GABRA3: variants seen among roughly 807,000 people sequenced by gnomAD.
The protein encoded by GABRA3 is gamma-aminobutyric acid type A receptor subunit alpha3, also known as gamma-aminobutyric acid receptor subunit alpha-3.
In GABRA3, 10 loss-of-function variants were observed where a neutral mutation model predicts 30.1. That is an observed-to-expected ratio of 0.33 (90% CI 0.20 to 0.56). The LOEUF (loss-of-function observed/expected upper bound fraction) is 0.56. Ranked by LOEUF, GABRA3 falls within the 20% of genes least tolerant of loss-of-function variation. GABRA3 has a pLI of 0.89. For synonymous variants in GABRA3, 151 were observed against 146.8 expected (o/e 1.03, Z -0.21); for missense variants, 233 against 392.0 (o/e 0.59, Z 3.42).
intron 7 of GABRA3, among the ~76,000 whole-genome samples, chrX:152,200,677 C>T (rs998261274): frequency 1.8e-5 from 2 of 111,103 alleles, no homozygotes; most frequent in Admixed American, 9.6e-5. Context: ...CTCACATTTC[C>T]AAACGCTACC....
chrX:152,290,192 A>C (rs1447429550), intron 3 of GABRA3, among the ~76,000 whole-genome samples: 3 of 111,374 alleles, frequency 2.7e-5, no homozygotes, highest in African/African-American at 9.8e-5. Context: ...TTTCCTTTTT[A>C]ATGATCGCCA....
At chrX:152,282,034 TA>T (rs1384457011) in intron 4 of GABRA3, among the ~76,000 whole-genome samples, 1 of 112,137 alleles carries the variant, frequency 8.9e-6, no homozygotes, top group Admixed American at 9.5e-5. Flanking sequence ...ACATGGCTTA[TA>T]CCTTCATGGA....
At chrX:152,241,026 C>A (rs776027779) in intron 5 of GABRA3, among the ~76,000 whole-genome samples, 3 of 109,014 alleles carry the variant, frequency 2.8e-5, no homozygotes, top group Non-Finnish European at 3.8e-5. Flanking sequence ...AGCTTTGTTC[C>A]GTTGCTGGTG....
chrX:152,328,896 G>A (rs1018751722), intron 3 of GABRA3, among the ~76,000 whole-genome samples: 6 of 111,700 alleles, frequency 5.4e-5, no homozygotes, highest in African/African-American at 1.6e-4. Flanking sequence ...ATTAGGAAAC[G>A]AGGAAGTCAA....
intron 1 of GABRA3, among the ~76,000 whole-genome samples, chrX:152,366,094 A>G (rs755418424): frequency 3.6e-5 from 4 of 111,744 alleles, no homozygotes; most frequent in Non-Finnish European, 7.5e-5. Flanking sequence ...ACCATAGTAT[A>G]TGAGTAAGAA....
At chrX:152,192,172 T>G (rs981523440) in intron 8 of GABRA3, among the ~76,000 whole-genome samples, 1 of 112,024 alleles carries the variant, frequency 8.9e-6, no homozygotes, top group Non-Finnish European at 1.9e-5. Flanking sequence ...CTGTCAACTT[T>G]TTGAAAGCTC....
intron 9 of GABRA3, among the ~76,000 whole-genome samples, chrX:152,186,470 G>A (rs188630197): frequency 6.6e-4 from 73 of 110,963 alleles, no homozygotes; most frequent in Non-Finnish European, 1.2e-3. Flanking sequence ...CCAAACTGTC[G>A]GGATTACAGG....
intron 1 of GABRA3, among the ~76,000 whole-genome samples, chrX:152,444,040 G>A (rs766202021): frequency 9.0e-6 from 1 of 110,724 alleles, no homozygotes; most frequent in South Asian, 3.9e-4. Context: ...TCTGGACTAG[G>A]GATTTAGAGG....
At chrX:152,202,362 G>C (rs1326362128) in intron 7 of GABRA3, among the ~76,000 whole-genome samples, 1 of 111,585 alleles carries the variant, frequency 9.0e-6, no homozygotes, top group East Asian at 2.8e-4. Flanking sequence ...TGTTTATATG[G>C]TTCCTAAATC....
intron 8 of GABRA3, among the ~76,000 whole-genome samples, chrX:152,190,522 T>C (rs183559526): frequency 9.7e-4 from 106 of 109,249 alleles, no homozygotes; most frequent in African/African-American, 3.2e-3. Flanking sequence ...TTCTTTTTTC[T>C]TTTTTTTTCT....
intron 3 of GABRA3, among the ~76,000 whole-genome samples, chrX:152,338,494 T>G (rs1470139069): frequency 8.9e-6 from 1 of 112,042 alleles, no homozygotes; most frequent in East Asian, 2.8e-4. Flanking sequence ...CTCTTCACTT[T>G]ATTGGTTGTT....
intron 1 of GABRA3, among the ~76,000 whole-genome samples, chrX:152,394,052 A>T: frequency 9.0e-6 from 1 of 111,654 alleles, no homozygotes; most frequent in Non-Finnish European, 1.9e-5. Context: ...CATCATCATC[A>T]TCATTGTTAT....
At chrX:152,284,891 G>C (rs1450210741) in intron 3 of GABRA3, among the ~76,000 whole-genome samples, 156 bp from the exon 4 acceptor site, 1 of 111,676 alleles carries the variant, frequency 9.0e-6, no homozygotes, top group Non-Finnish European at 1.9e-5. Context: ...TCTTCACAGG[G>C]AACATGCTAG....
intron 1 of GABRA3, among the ~76,000 whole-genome samples, chrX:152,417,887 AG>A (rs1258019320): frequency 1.8e-5 from 1 of 56,848 alleles, no homozygotes; most frequent in African/African-American, 7.3e-5. Context: ...GGGTGGGGGG[AG>A]GGGGGAGGGA....
rs765459483 is a variant in GABRA3, at chrX:152,447,656, AG to A, written c.-27+3489del. 1.4e-4 allele frequency among the ~76,000 whole-genome samples: 16 copies of A among 112,638 alleles called. No homozygotes were observed. The East Asian group carries it at 4.2e-3, about 29-fold the overall frequency. Reference sequence around the variant, plus strand: ...GAAAGCGTAATTTGTAGAAACTCTAAGGAAATTAAGAGTTTTAAGAAAAAAC... The same window carrying A: ...GAAAGCGTAATTTGTAGAAACTCTAAGAAATTAAGAGTTTTAAGAAAAAAC... On this transcript the variant is annotated intron_variant, in intron 1 of 9. Coordinates refer to ENST00000370314, the MANE Select transcript of GABRA3 (RefSeq NM_000808.4).
At chrX:152,171,797 C>G (rs1937006060) in intron 9 of GABRA3, among the ~76,000 whole-genome samples, 1 of 112,112 alleles carries the variant, frequency 8.9e-6, no homozygotes, top group East Asian at 2.8e-4. Flanking sequence ...CTCCAAATTT[C>G]CCAAGGAGTT....
chrX:152,211,644 C>T (rs1007170265), intron 6 of GABRA3, among the ~76,000 whole-genome samples: 1 of 111,700 alleles, frequency 9.0e-6, no homozygotes, highest in African/African-American at 3.3e-5. Context: ...ACAGTAGCCA[C>T]CATCACATCA....
intron 4 of GABRA3, among the ~76,000 whole-genome samples, chrX:152,282,328 A>G (rs1356112901): frequency 2.7e-5 from 3 of 111,367 alleles, no homozygotes; most frequent in African/African-American, 9.8e-5. Flanking sequence ...TCTTGGTGAA[A>G]CTAGTTGCCA....
chrX:152,275,320 TATA>T (rs1209517572), intron 4 of GABRA3, among the ~76,000 whole-genome samples: 1 of 77,082 alleles, frequency 1.3e-5, no homozygotes, highest in Non-Finnish European at 2.2e-5. Flanking sequence ...ATATATAATA[TATA>T]ATATATATTT....
Sources: gnomAD v4.1 joint callset for allele counts (sites outside exome capture counted in the v4.1 genomes callset) on GRCh38, gnomAD v4.1.1 for gene constraint, MANE v1.5 for transcripts, NCBI Gene and HGNC (gene_info 2026-07-23, HGNC 2026-07-21) for gene names.